The following FRMPD1 variants were observed in gnomAD, a reference collection of about 807,000 sequenced individuals.
FRMPD1 encodes the protein FERM and PDZ domain containing 1, also known as FERM and PDZ domain-containing protein 1.
FRMPD1 carries 76 observed loss-of-function variants against 117.8 expected under a neutral mutation model. The ratio of observed to expected loss-of-function variants is 0.65; its 90% CI spans 0.54 to 0.78. The LOEUF is 0.78. Among genes scored for constraint, FRMPD1 ranks in the 30% least tolerant of loss-of-function variants. The pLI is 0.00. For missense variants in FRMPD1, 1,786 were observed against 1,964.5 expected (o/e 0.91, Z 1.72); for synonymous variants, 783 against 770.4 (o/e 1.02, Z -0.27).
At chr9:37,652,915 T>C (rs1368712812) in intron 1 of FRMPD1, among the ~76,000 whole-genome samples, 1 of 152,076 alleles carries the variant, frequency 6.6e-6, no homozygotes, top group Non-Finnish European at 1.5e-5. Flanking sequence ...AGTGGAGATA[T>C]TGGAGAAGGC....
intron 1 of FRMPD1, among the ~76,000 whole-genome samples, chr9:37,678,236 C>A: frequency 6.8e-6 from 1 of 146,402 alleles, no homozygotes; most frequent in African/African-American, 2.6e-5. Context: ...CTCTTTTCCC[C>A]TCTAGTACTT....
intron 1 of FRMPD1, among the ~76,000 whole-genome samples, chr9:37,675,889 C>G (rs1821511921): frequency 6.6e-6 from 1 of 152,208 alleles, no homozygotes; most frequent in African/African-American, 2.4e-5. Flanking sequence ...GTGTGTTCAC[C>G]TGTCCTGTTG....
upstream of FRMPD1, among the ~76,000 whole-genome samples, chr9:37,648,284 G>A (rs993311350): frequency 2.6e-5 from 4 of 152,086 alleles, no homozygotes; most frequent in Non-Finnish European, 4.4e-5. Flanking sequence ...TTAACACTAT[G>A]TTATGTGTCT....
intron 8 of FRMPD1, among the ~76,000 whole-genome samples, chr9:37,730,229 C>G (rs528197810): frequency 7.9e-5 from 12 of 152,348 alleles, no homozygotes; most frequent in Non-Finnish European, 1.8e-4. Context: ...GTTGCTGTGT[C>G]TAAGCCCTTC....
chr9:37,669,977 G>C (rs992740664), intron 1 of FRMPD1: 1 of 147,248 alleles, frequency 6.8e-6, no homozygotes, highest in Non-Finnish European at 1.5e-5. Flanking sequence ...TGGGCAACAA[G>C]AGCAAAACTC....
At position 37,725,978 on chromosome 9, in the gene FRMPD1, T is replaced by G. The variant is rs560185168; in HGVS notation, c.612+1658T>G. Among the ~76,000 whole-genome samples the G allele has an allele frequency of 1.5e-3, 234 of 152,338 alleles. 1 individual carries two copies. The highest frequency in any genetic ancestry group is 5.0e-3 in the African/African-American group (209 of 41,578). ...ATTGGAATAGAAGGGTTGATTTTTT[T>G]TAAAGCAAGTCCCCCTTTGGTGGCC... On this transcript the variant is annotated intron_variant, in intron 7 of 15. Transcript: ENST00000377765.
At chr9:37,711,889 G>A (rs892975057) in intron 5 of FRMPD1, among the ~76,000 whole-genome samples, 12 of 152,206 alleles carry the variant, frequency 7.9e-5, no homozygotes, top group South Asian at 4.2e-4. Flanking sequence ...GGGAGGAAGC[G>A]GCAATCCTAA....
At chr9:37,713,145 G>A (rs1309642213) in intron 5 of FRMPD1, among the ~76,000 whole-genome samples, 1 of 152,142 alleles carries the variant, frequency 6.6e-6, no homozygotes, top group African/African-American at 2.4e-5. Context: ...GTATATCAAA[G>A]TGAGACTTAT....
rs1411054067 is a variant in FRMPD1 at position 37,746,791 on chromosome 9, C to T, written c.*22C>T. 4.5e-6 allele frequency: 7 copies of T among 1,563,692 alleles called. No homozygotes were observed. The highest frequency in any genetic ancestry group is 6.2e-6 in the Non-Finnish European group (7 of 1,135,652). Reference sequence around the variant, plus strand: ...GTAAACAGGTCAACGGCCCAAGGGCCTCCTGCCCTGTCCTGCCTTGGACAC... The same window carrying T: ...GTAAACAGGTCAACGGCCCAAGGGCTTCCTGCCCTGTCCTGCCTTGGACAC... On this transcript the variant is annotated 3_prime_UTR_variant, in exon 16 of 16. Coordinates refer to ENST00000377765, the MANE Select transcript of FRMPD1 (RefSeq NM_014907.3).
chr9:37,638,198 C>T, the FRMPD1 span, among the ~76,000 whole-genome samples: 46 of 151,864 alleles, frequency 3.0e-4, no homozygotes, highest in African/African-American at 8.9e-4. Flanking sequence ...CTCAGCCTCC[C>T]GAGTAGCTGG....
chr9:37,697,131 G>C (rs1303957977), intron 2 of FRMPD1, among the ~76,000 whole-genome samples: 2 of 152,162 alleles, frequency 1.3e-5, no homozygotes, highest in Non-Finnish European at 2.9e-5. Flanking sequence ...GTCAAATTCA[G>C]TTGGTAGCCC....
chr9:37,644,742 C>T, the FRMPD1 span, among the ~76,000 whole-genome samples: 1 of 152,190 alleles, frequency 6.6e-6, no homozygotes, highest in Admixed American at 6.5e-5. Flanking sequence ...CTGAGCTTGC[C>T]TCAGTTTCAT....
chr9:37,716,392 T>G (rs1354200970), intron 5 of FRMPD1, among the ~76,000 whole-genome samples: 3 of 152,244 alleles, frequency 2.0e-5, no homozygotes, highest in African/African-American at 7.2e-5. Flanking sequence ...GCTGAGATTT[T>G]ACAGTCAGGG....
chr9:37,638,021 T>TC, the FRMPD1 span, among the ~76,000 whole-genome samples: 3 of 109,796 alleles, frequency 2.7e-5, no homozygotes, highest in Admixed American at 9.9e-5. Context: ...TCTTTCTTTC[T>TC]TTCTCTCTCT....
At chr9:37,714,350 A>G (rs1823023048) in intron 5 of FRMPD1, among the ~76,000 whole-genome samples, 1 of 152,164 alleles carries the variant, frequency 6.6e-6, no homozygotes, top group African/African-American at 2.4e-5. Flanking sequence ...AACAGCATAG[A>G]GCTGAATCCT....
the FRMPD1 span, among the ~76,000 whole-genome samples, chr9:37,631,240 A>G: frequency 1.5e-4 from 23 of 152,238 alleles, no homozygotes; most frequent in African/African-American, 4.6e-4. Context: ...CAAACTAAAA[A>G]ATAATAAAAA....
Position 37,745,891 on chromosome 9 carries a change from A to G in FRMPD1, c.3859A>G (p.Ile1287Val), listed in dbSNP as rs1417225170. 12 of 1,614,118 alleles carry G rather than the reference A, an allele frequency of 7.4e-6. No homozygotes were observed. The highest frequency in any genetic ancestry group is 1.0e-5 in the Non-Finnish European group (12 of 1,180,048). The change falls in exon 16 of 16, where the codon ATC (isoleucine) becomes GTC (valine). Residue 1287 changes from isoleucine to valine, a missense_variant. Transcript: ENST00000377765. ...LSEGKSDSSS[I>V]CLSAEKSFLC... ...AGAAGGCAAAAGTGACAGCTCTAGC[A>G]TCTGCCTTTCTGCTGAGAAGTCTTT...
chr9:37,731,082 C>T lies in FRMPD1; in HGVS notation c.837C>T (p.Ala279=). The change falls in exon 9 of 16, where the codon GCC becomes GCT. Residue 279 remains alanine (A), a synonymous_variant. Coordinates refer to ENST00000377765, the MANE Select transcript of FRMPD1 (RefSeq NM_014907.3). The stretch of plus-strand genomic sequence containing the variant: ...ACCTCCTGAAAGAAGACCCCGTGGC[C>T]TTTGAATACCTCTATCTGCAGGTGA... ...PLDLLKEDPV[A]FEYLYLQSCS... is the part of the protein sequence containing the mutation. 6.2e-7 allele frequency: 1 copy of T among 1,613,654 alleles called. No individual in the cohort carries two copies. The highest frequency in any genetic ancestry group is 8.5e-7 in the Non-Finnish European group (1 of 1,179,584).
chr9:37,737,368 A>G, intron 14 of FRMPD1, 125 bp downstream of exon 14: 2 of 715,126 alleles, frequency 2.8e-6, no homozygotes. Context: ...GATGAGAGCT[A>G]TTTCTCTGTT....
Sources: allele counts gnomAD v4.1 joint callset (sites outside exome capture counted in the v4.1 genomes callset), GRCh38; gene constraint gnomAD v4.1.1; transcripts MANE v1.5; gene names NCBI Gene and HGNC (gene_info 2026-07-23, HGNC 2026-07-21).